Variants in RNPC3 observed in about 807,000 individuals in gnomAD.
The protein encoded by RNPC3 is RNA-binding region-containing protein 3.
RNPC3 carries 48 observed loss-of-function variants against 67.5 expected under a neutral mutation model. The observed-to-expected ratio is 0.71, with a 90% CI of 0.56 to 0.90. RNPC3 has a LOEUF of 0.90. Among genes scored for constraint, RNPC3 ranks in the 40% least tolerant of loss-of-function variants. The pLI is 0.00. For synonymous variants in RNPC3, 239 were observed against 210.3 expected, an observed-to-expected ratio of 1.14 and a Z score of -1.18; for missense variants, 637 against 626.1, an observed-to-expected ratio of 1.02 and a Z score of -0.19.
intron 2 of RNPC3, among the ~76,000 whole-genome samples, chr1:103,530,610 T>C (rs965573512): frequency 1.3e-5 from 2 of 152,132 alleles, no homozygotes; most frequent in East Asian, 3.9e-4. Flanking sequence ...GTAAGGAACT[T>C]AGATTGCTGT....
chr1:103,551,661 A>T (rs1651390031), intron 13 of RNPC3, 60 bp from the exon 14 acceptor site: 1 of 1,120,938 alleles, frequency 8.9e-7, no homozygotes, highest in East Asian at 2.7e-5. Context: ...AGTTTTTGAG[A>T]ATTATTTAGA....
intron 8 of RNPC3, 80 bp from the exon 9 acceptor site, chr1:103,543,216 T>C (rs1651166525): frequency 9.1e-7 from 1 of 1,093,752 alleles, no homozygotes; most frequent in Non-Finnish European, 1.2e-6. Flanking sequence ...ACTTTTAAAA[T>C]TTAAAATAAA....
Position 103,551,810 on chromosome 1 carries a change from A to G in RNPC3, c.*12+18A>G, listed in dbSNP as rs1413666365. On this transcript the variant is annotated intron_variant, in intron 14 of 14. Transcript: ENST00000423855. ...TAATAAAGGTAAGTGTGAATAAAACATAATAAAAAGACAAGACTAATTCTT... is the reference window on the plus strand; with the variant it reads ...TAATAAAGGTAAGTGTGAATAAAACGTAATAAAAAGACAAGACTAATTCTT... 3 of 1,245,690 alleles carry G rather than the reference A, an allele frequency of 2.4e-6. No individual in the cohort carries two copies. Among genetic ancestry groups the G allele is most frequent in the African/African-American group, 3.1e-5 (2 of 64,662 alleles). 77.2% of individuals were successfully genotyped at this position (1,245,690 alleles called of 1,614,324 possible).
At chr1:103,533,697 G>A in intron 2 of RNPC3, 42 bp from the exon 3 acceptor site, 1 of 1,031,378 alleles carries the variant, frequency 9.7e-7, no homozygotes, top group Non-Finnish European at 1.4e-6. Flanking sequence ...AATCATTTTT[G>A]GTACAATTGT....
At chr1:103,527,028 A>C (rs1264337445) in intron 1 of RNPC3, among the ~76,000 whole-genome samples, 1 of 152,162 alleles carries the variant, frequency 6.6e-6, no homozygotes. Flanking sequence ...ATTAAAAAAA[A>C]AAAATTATAT....
At position 103,544,934 on chromosome 1, in the gene RNPC3, C is replaced by G. The variant is rs145847854; in HGVS notation, c.1046-7C>G. 4.0e-4 allele frequency: 604 copies of G among 1,511,022 alleles called. 2 individuals are homozygous for G. In the African/African-American group the frequency reaches 7.7e-3, roughly 19 times the overall value. 93.6% of individuals were successfully genotyped at this position (1,511,022 alleles called of 1,614,324 possible). ...CTTAATGGTTAATGTTAATATTGAA[C>G]TCTTAGATTTACCTGCTACTGAAGT... On this transcript the variant is annotated splice_polypyrimidine_tract_variant and splice_region_variant and intron_variant, in intron 9 of 14. Transcript: ENST00000423855.
rs1651247992 is a variant in RNPC3 at position 103,546,526 on chromosome 1, TG to T, written c.1302+187del. ...TTATTAAAATAATACTCTCATAGCT[TG>T]GGTTCTCTGGCAGTAAATACTGAGA... On this transcript the variant is annotated intron_variant, in intron 11 of 14. Transcript: ENST00000423855. 2.1e-5 allele frequency: 8 copies of T among 378,464 alleles called. No homozygotes were observed. In the South Asian group the frequency reaches 4.1e-4, roughly 20 times the overall value. 23.4% of individuals were successfully genotyped at this position (378,464 alleles called of 1,614,324 possible). A position where few individuals can be genotyped will look rare whatever the true frequency, so the allele number is the denominator to read the frequency against.
intron 13 of RNPC3, 89 bp from the exon 14 acceptor site, chr1:103,551,632 C>T (rs1651389450): frequency 1.3e-6 from 1 of 779,152 alleles, no homozygotes; most frequent in Admixed American, 3.2e-5. Flanking sequence ...AAAAACCATA[C>T]TCCCACCATA....
At chr1:103,526,888 A>G (rs535895462) in intron 1 of RNPC3, among the ~76,000 whole-genome samples, 2 of 152,310 alleles carry the variant, frequency 1.3e-5, no homozygotes, top group African/African-American at 4.8e-5. Context: ...AGGAATAGCG[A>G]TGGTGCAAGA....
intron 12 of RNPC3, among the ~76,000 whole-genome samples, chr1:103,550,327 G>A (rs1651355894): frequency 6.6e-6 from 1 of 151,680 alleles, no homozygotes; most frequent in Non-Finnish European, 1.5e-5. Context: ...AAAAAATTGA[G>A]ATAAATAGTA....
At chr1:103,544,679 T>A (rs1651201776) in intron 9 of RNPC3, among the ~76,000 whole-genome samples, 1 of 151,836 alleles carries the variant, frequency 6.6e-6, no homozygotes, top group Non-Finnish European at 1.5e-5. Context: ...AGGTAGCTCC[T>A]TTTTAGTGTG....
chr1:103,541,002 A>G (rs1436805333), intron 7 of RNPC3, among the ~76,000 whole-genome samples: 3 of 152,158 alleles, frequency 2.0e-5, no homozygotes, highest in Non-Finnish European at 4.4e-5. Context: ...TTAATATTAT[A>G]TCGATTTTAT....
intron 1 of RNPC3, among the ~76,000 whole-genome samples, chr1:103,527,052 AG>A (rs1236101616): frequency 6.6e-6 from 1 of 152,184 alleles, no homozygotes; most frequent in Non-Finnish European, 1.5e-5. Flanking sequence ...GCTCAATTTA[AG>A]TACATCAGGT....
intron 2 of RNPC3, among the ~76,000 whole-genome samples, chr1:103,529,027 G>C (rs1281065780): frequency 6.6e-6 from 1 of 152,142 alleles, no homozygotes; most frequent in Non-Finnish European, 1.5e-5. Flanking sequence ...ATGTCAAATG[G>C]TATGTGTTAA....
At chr1:103,537,617 GCA>G (rs1364590301) in intron 7 of RNPC3, 133 bp downstream of exon 7, 2 of 630,840 alleles carry the variant, frequency 3.2e-6, no homozygotes, top group African/African-American at 3.7e-5. Flanking sequence ...CAGCCCCCCA[GCA>G]CCTCAGGCAT....
In RNPC3 at chr1:103,537,324, T is replaced by C. The variant is rs1651010294; in HGVS notation, c.625-18T>C. On this transcript the variant is annotated intron_variant, in intron 6 of 14. Coordinates refer to ENST00000423855, the MANE Select transcript of RNPC3 (RefSeq NM_017619.4). ...ATTTTGGACTGCCATAGTATTTTTG[T>C]TTTATTCTTTTAATTAGTATGAAGA... is the stretch of plus-strand genomic sequence containing the variant. 1 of 1,510,986 alleles carries C rather than the reference T, an allele frequency of 6.6e-7. No homozygotes were observed. Among genetic ancestry groups the C allele is most frequent in the Non-Finnish European group, 8.8e-7 (1 of 1,133,206 alleles). The allele number at this position is 1,510,986 out of a possible 1,614,324, so 93.6% of individuals were successfully genotyped here. A position where few individuals can be genotyped will look rare whatever the true frequency, so the allele number is the denominator to read the frequency against.
chr1:103,542,107 CTT>C (rs1651136588), intron 8 of RNPC3, among the ~76,000 whole-genome samples: 1 of 151,920 alleles, frequency 6.6e-6, no homozygotes, highest in Non-Finnish European at 1.5e-5. Flanking sequence ...AGTTAATAGT[CTT>C]AAGTATAATA....
intron 10 of RNPC3, 130 bp downstream of exon 10, chr1:103,545,232 GTTTGTAATCA>G (rs1570624330): frequency 1.5e-6 from 1 of 677,308 alleles, no homozygotes; most frequent in Middle Eastern, 3.3e-4. Context: ...TCCAATTAAT[GTTTGTAATCA>G]CTTCTTCTGT....
chr1:103,537,804 C>G (rs1015315219), intron 7 of RNPC3, among the ~76,000 whole-genome samples: 2 of 151,890 alleles, frequency 1.3e-5, no homozygotes, highest in Non-Finnish European at 2.9e-5. Context: ...TTATTTGTGA[C>G]TTCAAAATCA....
Sources: allele counts gnomAD v4.1 joint callset (sites outside exome capture counted in the v4.1 genomes callset), GRCh38; gene constraint gnomAD v4.1.1; transcripts MANE v1.5; gene names NCBI Gene and HGNC (gene_info 2026-07-23, HGNC 2026-07-21).